The following CHODL variants were observed in gnomAD, a reference collection of about 807,000 sequenced individuals.
CHODL encodes chondrolectin.
CHODL carries 29 observed loss-of-function variants against 34.5 expected under a neutral mutation model. The observed-to-expected ratio is 0.84, with a 90% confidence interval of 0.63 to 1.15. The LOEUF is 1.15. CHODL is among the 50% of genes most tolerant of loss of function. The pLI, the probability that CHODL is intolerant of heterozygous loss-of-function variation, is 0.00. For missense variants in CHODL, 332 were observed against 332.5 expected (o/e 1.00, Z 0.01); for synonymous variants, 125 against 116.1 (o/e 1.08, Z -0.49).
In CHODL at chr21:18,053,075, C is replaced by G. The variant is rs73325267; in HGVS notation, c.-45+25104C>G. Among the ~76,000 whole-genome samples the G allele has an allele frequency of 7.5e-3, 1,145 of 151,938 alleles. 21 individuals carry two copies. The highest frequency in any genetic ancestry group is 0.026 in the African/African-American group (1,085 of 41,486). ...ATAGAGCAGTTTTCAAGCCCAAGCT[C>G]TTTATGGATTGTCTATGTGACATAG... On this transcript the variant is annotated intron_variant, in intron 2 of 6. Transcript: ENST00000400127.
chr21:18,123,909 G>A (rs1202796328), intron 2 of CHODL, among the ~76,000 whole-genome samples: 9 of 152,108 alleles, frequency 5.9e-5, no homozygotes, highest in Admixed American at 3.3e-4. Flanking sequence ...GCAACCCGGC[G>A]CGGTGGCTCA....
intron 2 of CHODL, among the ~76,000 whole-genome samples, chr21:18,055,794 T>C (rs545579136): frequency 3.6e-4 from 55 of 152,094 alleles, no homozygotes; most frequent in African/African-American, 1.3e-3. Context: ...TGACAGAACA[T>C]AGGGGGAGAG....
chr21:18,106,584 C>T (rs1450188386), intron 2 of CHODL, among the ~76,000 whole-genome samples: 1 of 151,724 alleles, frequency 6.6e-6, no homozygotes, highest in African/African-American at 2.4e-5. Flanking sequence ...CAAGCTCCGC[C>T]TCCTGGGTTC....
At chr21:18,078,953 C>T (rs158014) in intron 2 of CHODL, among the ~76,000 whole-genome samples, 61,794 of 151,950 alleles carry the variant, frequency 0.41, 13,755 homozygotes, top group Non-Finnish European at 0.51. Context: ...ATGTTCATAT[C>T]CACTATGCTA....
At chr21:18,217,698 C>A (rs1463460908) in intron 2 of CHODL, among the ~76,000 whole-genome samples, 4 of 152,118 alleles carry the variant, frequency 2.6e-5, no homozygotes, top group Admixed American at 2.6e-4. Context: ...CAGCATTAAC[C>A]CAAAAGTCCA....
chr21:18,117,691 GAATA>G (rs995542270), intron 2 of CHODL, among the ~76,000 whole-genome samples: 15 of 149,578 alleles, frequency 1.0e-4, no homozygotes, highest in African/African-American at 3.2e-4. Context: ...AATTAAATAA[GAATA>G]AATAAATAAG....
intron 2 of CHODL, among the ~76,000 whole-genome samples, chr21:18,157,800 T>A (rs1428263078): frequency 6.6e-6 from 1 of 152,222 alleles, no homozygotes; most frequent in African/African-American, 2.4e-5. Flanking sequence ...TCTATTCAAT[T>A]TGACATATAC....
chr21:18,135,132 A>G (rs1398943488), intron 2 of CHODL, among the ~76,000 whole-genome samples: 1 of 152,218 alleles, frequency 6.6e-6, no homozygotes. Context: ...TCTTTCTCCT[A>G]TTGAAGTGTA....
intron 2 of CHODL, among the ~76,000 whole-genome samples, chr21:18,083,585 G>A (rs927529363): frequency 6.6e-6 from 1 of 152,220 alleles, no homozygotes; most frequent in African/African-American, 2.4e-5. Context: ...AAAGCCACAT[G>A]CGCAGAGCTT....
At chr21:18,070,857 G>T (rs1336218821) in intron 2 of CHODL, among the ~76,000 whole-genome samples, 1 of 151,468 alleles carries the variant, frequency 6.6e-6, no homozygotes, top group Non-Finnish European at 1.5e-5. Context: ...TGGAAACTTG[G>T]GTGCTATAAC....
chr21:18,091,557 C>T (rs73310436), intron 2 of CHODL, among the ~76,000 whole-genome samples: 1,531 of 152,244 alleles, frequency 0.01, 23 homozygotes, highest in African/African-American at 0.034. Context: ...TGAGCAGACT[C>T]ATGAGCCCCC....
At chr21:18,261,904 G>A (rs543779056) in intron 4 of CHODL, among the ~76,000 whole-genome samples, 2 of 152,128 alleles carry the variant, frequency 1.3e-5, no homozygotes, top group South Asian at 2.1e-4. Context: ...AGTCGTGACT[G>A]TATCATCAGT....
At chr21:18,063,318 T>C (rs1230945714) in intron 2 of CHODL, among the ~76,000 whole-genome samples, 1 of 152,218 alleles carries the variant, frequency 6.6e-6, no homozygotes, top group African/African-American at 2.4e-5. Flanking sequence ...GAACACATTA[T>C]AAAGAATGAA....
At chr21:18,207,170 T>C (rs1233818110) in intron 2 of CHODL, among the ~76,000 whole-genome samples, 4 of 152,278 alleles carry the variant, frequency 2.6e-5, no homozygotes, top group African/African-American at 7.2e-5. Context: ...TTGCTGAGAA[T>C]GATGGTTTCC....
chr21:17,944,100 G>GCCAT (rs947402748), intron 1 of CHODL, among the ~76,000 whole-genome samples: 25 of 151,824 alleles, frequency 1.6e-4, no homozygotes, highest in African/African-American at 5.8e-4. Context: ...ATTCTTCCTA[G>GCCAT]CTTAAGAACC....
At chr21:18,262,927 A>G (rs1446956187) in intron 5 of CHODL, 34 bp downstream of exon 5, 3 of 1,197,044 alleles carry the variant, frequency 2.5e-6, no homozygotes, top group Non-Finnish European at 3.7e-6. Flanking sequence ...ACAATTTGAA[A>G]AACTTTAAAT....
At chr21:18,167,593 G>A (rs896531024) in intron 2 of CHODL, among the ~76,000 whole-genome samples, 2 of 152,162 alleles carry the variant, frequency 1.3e-5, no homozygotes, top group African/African-American at 4.8e-5. Context: ...ACAGGCGTGA[G>A]CCACCGTGCC....
At chr21:18,137,999 T>C (rs145437408) in intron 2 of CHODL, among the ~76,000 whole-genome samples, 1 of 152,240 alleles carries the variant, frequency 6.6e-6, no homozygotes, top group African/African-American at 2.4e-5. Context: ...AAAAAAAACC[T>C]CCAAAAATCA....
chr21:18,049,348 C>T (rs1294444780), intron 2 of CHODL, among the ~76,000 whole-genome samples: 1 of 151,886 alleles, frequency 6.6e-6, no homozygotes, highest in Non-Finnish European at 1.5e-5. Context: ...TCTGTCTTTA[C>T]CAGATTAACT....
Sources: gnomAD v4.1 joint callset for allele counts (sites outside exome capture counted in the v4.1 genomes callset) on GRCh38, gnomAD v4.1.1 for gene constraint, MANE v1.5 for transcripts, NCBI Gene and HGNC (gene_info 2026-07-23, HGNC 2026-07-21) for gene names.